The following ERAP1 variants were observed in gnomAD, a reference collection of about 807,000 sequenced individuals.
The protein encoded by ERAP1 is adipocyte-derived leucine aminopeptidase.
In ERAP1, 86 loss-of-function variants were observed where a neutral mutation model predicts 103.7. The observed-to-expected ratio is 0.83, with a 90% CI of 0.70 to 0.99. The LOEUF (loss-of-function observed/expected upper bound fraction) is 0.99. Among genes scored for constraint, ERAP1 ranks in the 50% least tolerant of loss-of-function variants. The pLI, the probability that ERAP1 is intolerant of heterozygous loss-of-function variation, is 0.00. For synonymous variants in ERAP1, 398 were observed against 402.4 expected (o/e 0.99, Z 0.13); for missense variants, 1,009 against 1,128.4 (o/e 0.89, Z 1.52).
At chr5:96,848,299 C>T in the ERAP1 span, among the ~76,000 whole-genome samples, 1 of 152,172 alleles carries the variant, frequency 6.6e-6, no homozygotes, top group East Asian at 1.9e-4. Context: ...GATCTGCTGG[C>T]CTCAGCCTCC....
intron 11 of ERAP1, among the ~76,000 whole-genome samples, chr5:96,787,252 T>C (rs1444563418): frequency 6.6e-6 from 1 of 152,146 alleles, no homozygotes; most frequent in Non-Finnish European, 1.5e-5. Context: ...GTTATATAAC[T>C]GAATGTTCTT....
At chr5:96,769,519 T>C (rs1283633251), downstream of ERAP1, 4 of 152,022 alleles carry the variant, frequency 2.6e-5, no homozygotes, top group Admixed American at 6.6e-5. Context: ...TTGGGATGCA[T>C]AGAAATAATA....
chr5:96,807,756 G>A, intron 1 of ERAP1, 104 bp downstream of exon 1: 1 of 828,352 alleles, frequency 1.2e-6, no homozygotes, highest in Non-Finnish European at 1.5e-6. Context: ...CTCCTCCCGT[G>A]CCCCAGGCCC....
At chr5:96,817,921 C>T in the ERAP1 span, among the ~76,000 whole-genome samples, 102,532 of 152,092 alleles carry the variant, frequency 0.67, 34,998 homozygotes, top group Non-Finnish European at 0.72. Flanking sequence ...TTTGCTTTCC[C>T]GACTCTGCAG....
chr5:96,898,171 G>C, the ERAP1 span, among the ~76,000 whole-genome samples: 1 of 151,874 alleles, frequency 6.6e-6, no homozygotes, highest in African/African-American at 2.4e-5. Context: ...ACTCCAGCCT[G>C]GGTGACAGAG....
chr5:96,777,068 T>TA (rs1774434982), intron 18 of ERAP1: 1 of 153,418 alleles, frequency 6.5e-6, no homozygotes, highest in Admixed American at 6.5e-5. Context: ...CCATTTTTTT[T>TA]ATCCTAATCT....
At chr5:96,879,653 G>T in the ERAP1 span, 1 of 1,581,070 alleles carries the variant, frequency 6.3e-7, no homozygotes, top group Non-Finnish European at 8.7e-7. Flanking sequence ...AGATTAGCCT[G>T]GATATTAACT....
chr5:96,782,008 ATTT>A (rs68114531), intron 15 of ERAP1, among the ~76,000 whole-genome samples, 154 bp from the exon 16 acceptor site: 34,327 of 133,562 alleles, frequency 0.26, 4,313 homozygotes, highest in Non-Finnish European at 0.32. Flanking sequence ...TTCAGTTACA[ATTT>A]TTTTTTTTTT....
At chr5:96,808,535 C>T (rs899872516), upstream of ERAP1, among the ~76,000 whole-genome samples, 8 of 152,064 alleles carry the variant, frequency 5.3e-5, no homozygotes, top group African/African-American at 1.9e-4. Context: ...TCTGGGGCTT[C>T]GGTAGAGAAT....
At chr5:96,790,913 A>T (rs1776662563) in intron 8 of ERAP1, among the ~76,000 whole-genome samples, 1 of 152,208 alleles carries the variant, frequency 6.6e-6, no homozygotes, top group East Asian at 1.9e-4. Context: ...AATTAGCATC[A>T]TCTGCCAACT....
rs1486277973 is a variant in ERAP1 at position 96,783,960 on chromosome 5, C to T, written c.2064G>A (p.Glu688=). Residue 688 remains glutamate (E), a synonymous_variant, in exon 14 of 19, where the codon GAG becomes GAA. Transcript: ENST00000443439. ...NELIPMYKLM[E]KRDMNEVETQ... ...TTTCCACTTCATTCATATCTCTTTT[C>T]TCCATTAACTTATACATAGGAATCA... The T allele has an allele frequency of 1.4e-5, 22 of 1,613,612 alleles. No individual in the cohort carries two copies. Among genetic ancestry groups the T allele is most frequent in the Non-Finnish European group, 1.9e-5 (22 of 1,179,838 alleles).
the ERAP1 span, among the ~76,000 whole-genome samples, chr5:96,900,710 T>G: frequency 1.3e-5 from 2 of 152,174 alleles, no homozygotes; most frequent in East Asian, 3.8e-4. Context: ...AAAGTCTCAC[T>G]CTGTTGCCCA....
At chr5:96,791,852 G>T (rs1005530141) in intron 8 of ERAP1, among the ~76,000 whole-genome samples, 3 of 152,156 alleles carry the variant, frequency 2.0e-5, no homozygotes, top group African/African-American at 7.2e-5. Context: ...ACCCAAGAAA[G>T]AATATATGAA....
chr5:96,886,549 C>G, the ERAP1 span: 1 of 951,390 alleles, frequency 1.1e-6, no homozygotes, highest in Non-Finnish European at 1.4e-6. Flanking sequence ...CATCGATTGT[C>G]CTTCAGAGTA....
chr5:96,773,492 A>G (rs1459897223), downstream of ERAP1: 2 of 152,334 alleles, frequency 1.3e-5, no homozygotes, highest in African/African-American at 2.4e-5. Flanking sequence ...CCTGAGCAGC[A>G]ACTGTGTCTT....
the ERAP1 span, among the ~76,000 whole-genome samples, chr5:96,838,166 G>A: frequency 6.6e-6 from 1 of 152,160 alleles, no homozygotes; most frequent in Non-Finnish European, 1.5e-5. Flanking sequence ...TGGGGTCCTC[G>A]CAGCGAACCT....
intron 19 of ERAP1, chr5:96,767,347 A>C: frequency 9.9e-7 from 1 of 1,006,636 alleles, no homozygotes; most frequent in African/African-American, 1.6e-5. Flanking sequence ...TATCCAAGTC[A>C]AGTCATGGGA....
At chr5:96,893,811 A>G in the ERAP1 span, among the ~76,000 whole-genome samples, 4 of 152,182 alleles carry the variant, frequency 2.6e-5, no homozygotes, top group African/African-American at 9.6e-5. Flanking sequence ...CAAGGTTCCC[A>G]TGACCCAGCT....
chr5:96,814,993 C>G, the ERAP1 span, among the ~76,000 whole-genome samples: 1 of 152,158 alleles, frequency 6.6e-6, no homozygotes, highest in Non-Finnish European at 1.5e-5. Flanking sequence ...AAGTACTAAC[C>G]AGCTCTGGCA....
Sources: gnomAD v4.1 joint callset for allele counts (sites outside exome capture counted in the v4.1 genomes callset) on GRCh38, gnomAD v4.1.1 for gene constraint, MANE v1.5 for transcripts, NCBI Gene and HGNC (gene_info 2026-07-23, HGNC 2026-07-21) for gene names.